Variants in PCDH15 observed in about 807,000 individuals in gnomAD.
PCDH15 encodes the protein protocadherin related 15.
Under a neutral mutation model 178.5 loss-of-function variants are expected in PCDH15, and 129 were observed. That is an observed-to-expected ratio of 0.72 (90% CI 0.63 to 0.84). The LOEUF (loss-of-function observed/expected upper bound fraction) is 0.84, where lower values mean the gene tolerates loss of function less well. Ranked by LOEUF, PCDH15 falls within the 40% of genes least tolerant of loss-of-function variation. The probability of loss-of-function intolerance (pLI) is 0.00; values close to 1 mark genes in which losing one functional copy is unlikely to be tolerated. For synonymous variants in PCDH15, 800 were observed against 732.0 expected (o/e 1.09, Z -1.50); for missense variants, 2,230 against 2,099.9 (o/e 1.06, Z -1.21).
intron 2 of PCDH15, among the ~76,000 whole-genome samples, chr10:54,934,439 C>T (rs1469570573): frequency 6.6e-6 from 1 of 152,020 alleles, no homozygotes; most frequent in Non-Finnish European, 1.5e-5. Flanking sequence ...CTATGCTAAA[C>T]TCATGGACAT....
At chr10:54,219,106 AAC>A (rs1438978155) in intron 9 of PCDH15, among the ~76,000 whole-genome samples, 3,168 of 127,358 alleles carry the variant, frequency 0.025, 22 homozygotes, top group South Asian at 0.049. Context: ...AAAAAAAAAA[AAC>A]AAAAAAAAAA....
intron 27 of PCDH15, among the ~76,000 whole-genome samples, chr10:53,863,521 T>C (rs967512503): frequency 6.6e-5 from 10 of 152,094 alleles, no homozygotes; most frequent in Admixed American, 3.9e-4. Flanking sequence ...GAAAACACTC[T>C]TATGATTAGA....
intron 1 of PCDH15, among the ~76,000 whole-genome samples, chr10:55,260,737 T>A (rs1402565455): frequency 6.6e-6 from 1 of 152,218 alleles, no homozygotes. Flanking sequence ...ATTTAACAAG[T>A]TAACCCAAGT....
intron 3 of PCDH15, among the ~76,000 whole-genome samples, chr10:54,463,848 A>C (rs2077350432): frequency 6.6e-6 from 1 of 152,130 alleles, no homozygotes; most frequent in African/African-American, 2.4e-5. Context: ...GCGACATTTG[A>C]ACTCCGTCTT....
chr10:55,272,636 C>T (rs1011803663), intron 1 of PCDH15, among the ~76,000 whole-genome samples: 1 of 151,936 alleles, frequency 6.6e-6, no homozygotes, highest in Admixed American at 6.6e-5. Flanking sequence ...GCCCGCCCAC[C>T]TCGGCCTCCC....
rs1209229577 is a variant in PCDH15, at chr10:53,803,206, T to A, written c.*3373A>T. The A allele has an allele frequency of 6.6e-6, 1 of 151,888 alleles. No individual in the cohort carries two copies. Among genetic ancestry groups the A allele is most frequent in the Non-Finnish European group, 1.5e-5 (1 of 67,860 alleles). The allele number at this position is 151,888 out of a possible 1,614,324, so 9.4% of individuals were successfully genotyped here. On this transcript the variant is annotated 3_prime_UTR_variant, in exon 38 of 38. Transcript: ENST00000644397. Reference sequence around the variant, plus strand: ...TCGCTGTGTAATTTGCAGGCACCAATAGGCATCTGCCCTGAGAATAGATTA... The same window carrying A: ...TCGCTGTGTAATTTGCAGGCACCAAAAGGCATCTGCCCTGAGAATAGATTA...
rs185557840 is a variant in PCDH15, at chr10:54,709,627, T to A, written c.-28-45337A>T. On this transcript the variant is annotated intron_variant, in intron 1 of 37. Coordinates refer to ENST00000644397, the MANE Select transcript of PCDH15 (RefSeq NM_001384140.1). ...ATATATATACATATATATATATATA[T>A]AAAATCACTTTAAAACAATTCTAAT... Among the ~76,000 whole-genome samples the A allele has an allele frequency of 6.7e-3, 952 of 141,800 alleles. 11 individuals are homozygous for A. The highest frequency in any genetic ancestry group is 0.02 in the African/African-American group (766 of 39,008). The allele number at this position is 141,800 out of a possible 152,430, so 93.0% of individuals were successfully genotyped here.
At chr10:55,140,782 T>C (rs945647559) in intron 2 of PCDH15, among the ~76,000 whole-genome samples, 1 of 152,000 alleles carries the variant, frequency 6.6e-6, no homozygotes. Context: ...TTTAGAGTTA[T>C]TGGGCTATGA....
chr10:54,181,920 G>A (rs979940770), intron 13 of PCDH15, among the ~76,000 whole-genome samples: 3 of 151,968 alleles, frequency 2.0e-5, no homozygotes, highest in South Asian at 2.1e-4. Context: ...AGCATTGAAT[G>A]ATTTCTTTTT....
intron 3 of PCDH15, among the ~76,000 whole-genome samples, chr10:54,493,455 A>G (rs1158219597): frequency 1.3e-5 from 2 of 151,042 alleles, no homozygotes; most frequent in African/African-American, 4.9e-5. Context: ...ACCCCTGCAT[A>G]GAATTTTCTA....
intron 2 of PCDH15, among the ~76,000 whole-genome samples, chr10:55,409,693 C>A (rs1353666142): frequency 6.6e-6 from 1 of 151,962 alleles, no homozygotes; most frequent in Non-Finnish European, 1.5e-5. Flanking sequence ...AAATCTATAG[C>A]AAATAGCAGT....
At chr10:54,417,808 A>C (rs2135751917) in intron 3 of PCDH15, among the ~76,000 whole-genome samples, 1 of 152,324 alleles carries the variant, frequency 6.6e-6, no homozygotes, top group Non-Finnish European at 1.5e-5. Flanking sequence ...TTGATCATTC[A>C]CAATGCTATG....
At chr10:54,820,789 A>G (rs931451433) in intron 3 of PCDH15, among the ~76,000 whole-genome samples, 2 of 152,050 alleles carry the variant, frequency 1.3e-5, no homozygotes, top group African/African-American at 2.4e-5. Flanking sequence ...GCCACATATT[A>G]TCAAGTATTA....
At chr10:55,537,043 T>C (rs917276297) in intron 2 of PCDH15, among the ~76,000 whole-genome samples, 4 of 152,100 alleles carry the variant, frequency 2.6e-5, no homozygotes, top group African/African-American at 9.7e-5. Flanking sequence ...TCTCAGATGT[T>C]TTCTTTTTGA....
intron 1 of PCDH15, among the ~76,000 whole-genome samples, chr10:55,229,209 G>C (rs868371756): frequency 6.6e-6 from 1 of 151,552 alleles, no homozygotes; most frequent in Non-Finnish European, 1.5e-5. Flanking sequence ...TGGCTCTTCT[G>C]AGAGTAAAAG....
chr10:55,331,002 A>G (rs1844185926), intron 2 of PCDH15, among the ~76,000 whole-genome samples: 1 of 151,898 alleles, frequency 6.6e-6, no homozygotes, highest in African/African-American at 2.4e-5. Context: ...AATATTATTT[A>G]GTAAAATTAT....
At chr10:55,620,998 A>C (rs1295810534) in intron 2 of PCDH15, among the ~76,000 whole-genome samples, 1 of 151,812 alleles carries the variant, frequency 6.6e-6, no homozygotes, top group African/African-American at 2.4e-5. Flanking sequence ...ATAATGCATT[A>C]GTAAAAACTG....
chr10:54,835,269 T>A (rs1953296307), intron 3 of PCDH15, among the ~76,000 whole-genome samples: 1 of 152,172 alleles, frequency 6.6e-6, no homozygotes, highest in African/African-American at 2.4e-5. Context: ...AATATTAATA[T>A]TTTTTAAGCA....
At chr10:54,306,097 C>T (rs548709238) in intron 8 of PCDH15, among the ~76,000 whole-genome samples, 7 of 151,854 alleles carry the variant, frequency 4.6e-5, no homozygotes, top group African/African-American at 1.4e-4. Flanking sequence ...GACCAGATTT[C>T]GGGCAAACCT....
Sources: allele counts gnomAD v4.1 joint callset (sites outside exome capture counted in the v4.1 genomes callset), GRCh38; gene constraint gnomAD v4.1.1; transcripts MANE v1.5; gene names NCBI Gene and HGNC (gene_info 2026-07-23, HGNC 2026-07-21).